Variants in HMCN1 observed in about 807,000 individuals in gnomAD.
HMCN1 encodes the protein hemicentin 1.
HMCN1 carries 321 observed loss-of-function variants against 625.9 expected under a neutral mutation model. The ratio of observed to expected loss-of-function variants is 0.51; its 90% CI spans 0.47 to 0.56. HMCN1 has a LOEUF of 0.56. Among genes scored for constraint, HMCN1 ranks in the 20% least tolerant of loss-of-function variants. The pLI is 0.00. For missense variants in HMCN1, 6,588 were observed against 6,887.3 expected (o/e 0.96, Z 1.54); for synonymous variants, 2,425 against 2,417.6 (o/e 1.00, Z -0.09).
At chr1:186,000,010 T>C (rs1315661953) in intron 25 of HMCN1, 35 bp from the exon 26 acceptor site, 4 of 1,452,122 alleles carry the variant, frequency 2.8e-6, no homozygotes, top group Admixed American at 1.8e-5. Context: ...CTGTTTTTGT[T>C]GTAAAATATC....
chr1:185,880,200 T>G (rs1224089799), intron 4 of HMCN1, among the ~76,000 whole-genome samples: 2 of 151,948 alleles, frequency 1.3e-5, no homozygotes, highest in Non-Finnish European at 2.9e-5. Flanking sequence ...GCATAAGGAG[T>G]CCAACATTGG....
At chr1:185,760,235 T>A (rs1315416675) in intron 1 of HMCN1, among the ~76,000 whole-genome samples, 1 of 152,112 alleles carries the variant, frequency 6.6e-6, no homozygotes, top group Non-Finnish European at 1.5e-5. Context: ...CTAGAAGGTG[T>A]AAGAATTGAG....
At chr1:185,885,282 C>A (rs6425008) in intron 4 of HMCN1, among the ~76,000 whole-genome samples, 10,861 of 151,768 alleles carry the variant, frequency 0.072, 1,357 homozygotes, top group African/African-American at 0.25. Flanking sequence ...ACAAACTCAT[C>A]CGAGGAAGTA....
chr1:185,785,325 T>C (rs1252346483), intron 1 of HMCN1, among the ~76,000 whole-genome samples: 3 of 152,232 alleles, frequency 2.0e-5, no homozygotes, highest in Non-Finnish European at 4.4e-5. Context: ...AGGATGTGTT[T>C]GAGATAACTG....
intron 1 of HMCN1, among the ~76,000 whole-genome samples, chr1:185,782,881 G>T (rs1272991167): frequency 1.3e-5 from 2 of 152,100 alleles, no homozygotes; most frequent in Non-Finnish European, 2.9e-5. Context: ...TCCTGAATTT[G>T]AATGTTGGTC....
Position 185,865,770 on chromosome 1 carries a change from T to A in HMCN1, c.528T>A (p.Asp176Glu), listed in dbSNP as rs756290854. Residue 176 changes from aspartate (D) to glutamate (E), a missense_variant, in exon 4 of 107, where the codon GAT becomes GAA. Asp to Glu is a conservative substitution (Grantham distance 45). Transcript: ENST00000271588. ...QVVFVLTGDC[D>E]DRTHIGYKVY... is the part of the protein sequence containing the mutation. ...TATTTGTTCTGACTGGAGATTGTGA[T>A]GACAGGACCCATATTGGATATAAAG... 3.1e-6 allele frequency: 5 copies of A among 1,612,072 alleles called. No homozygotes were observed. The highest frequency in any genetic ancestry group is 1.3e-5 in the African/African-American group (1 of 74,750).
At chr1:186,139,673 G>A (rs1649831039) in intron 89 of HMCN1, among the ~76,000 whole-genome samples, 1 of 151,260 alleles carries the variant, frequency 6.6e-6, no homozygotes, top group African/African-American at 2.4e-5. Flanking sequence ...TATTGTTTGA[G>A]CATAATGTCG....
intron 1 of HMCN1, among the ~76,000 whole-genome samples, chr1:185,761,307 T>G (rs561003731): frequency 6.6e-6 from 1 of 152,290 alleles, no homozygotes; most frequent in Admixed American, 6.5e-5. Context: ...GGTCTGAGCT[T>G]CTTCTGAGGC....
intron 70 of HMCN1, among the ~76,000 whole-genome samples, chr1:186,107,872 T>G (rs1306044965): frequency 1.3e-5 from 2 of 152,030 alleles, no homozygotes; most frequent in African/African-American, 2.4e-5. Context: ...AATATGCTTT[T>G]GACATTGAAA....
chr1:185,750,291 G>T (rs1367107748), intron 1 of HMCN1, among the ~76,000 whole-genome samples: 1 of 152,118 alleles, frequency 6.6e-6, no homozygotes, highest in Non-Finnish European at 1.5e-5. Context: ...ACTTTAAAAA[G>T]AAGTTTTAAT....
intron 97 of HMCN1, among the ~76,000 whole-genome samples, chr1:186,156,065 T>G (rs957168171): frequency 1.3e-5 from 2 of 152,194 alleles, no homozygotes; most frequent in African/African-American, 4.8e-5. Context: ...TCGAGAAAAC[T>G]CACTAACATA....
At chr1:185,926,803 C>T (rs564349666) in intron 9 of HMCN1, among the ~76,000 whole-genome samples, 1 of 152,282 alleles carries the variant, frequency 6.6e-6, no homozygotes, top group South Asian at 2.1e-4. Flanking sequence ...TCACTTTGGT[C>T]ACCAGGGGAT....
rs58164381 is a variant in HMCN1 at position 185,924,215 on chromosome 1, CTTTTTTTTTTTTTTTTTTTTT to C, written c.1285+575_1285+595del. ...GCTCATGACTGAACTCTGACCCAAT[CTTTTTTTTTTTTTTTTTTTTT>C]TTTTTTTTTTTTGAGACGGAGTCTC... On this transcript the variant is annotated intron_variant, in intron 8 of 106. Transcript: ENST00000271588. Among the ~76,000 whole-genome samples the C allele has an allele frequency of 9.2e-4, 40 of 43,654 alleles. 1 individual carries two copies. In the East Asian group the frequency reaches 0.029, roughly 31 times the overall value. The allele number at this position is 43,654 out of a possible 152,430, so 28.6% of individuals were successfully genotyped here.
At chr1:185,958,582 CTAA>C (rs1170225640) in intron 11 of HMCN1, among the ~76,000 whole-genome samples, 2 of 152,152 alleles carry the variant, frequency 1.3e-5, no homozygotes, top group African/African-American at 4.8e-5. Flanking sequence ...AGGAATACTG[CTAA>C]TAATAGCAAA....
At position 185,752,174 on chromosome 1, in the gene HMCN1, T is replaced by A. The variant is rs180842676; in HGVS notation, c.268+17127T>A. Among the ~76,000 whole-genome samples the A allele has an allele frequency of 7.6e-4, 115 of 152,292 alleles. 1 individual carries two copies. Among genetic ancestry groups the A allele is most frequent in the South Asian group, 4.1e-4 (2 of 4,828 alleles). ...CTAGTATAACCTCTATTATCTGTTA[T>A]ATGTTTCTGGCTTAGGGTTTCAACT... On this transcript the variant is annotated intron_variant, in intron 1 of 106. Coordinates refer to ENST00000271588, the MANE Select transcript of HMCN1 (RefSeq NM_031935.3).
Position 185,805,586 on chromosome 1 carries a change from C to A in HMCN1, c.269-40440C>A, listed in dbSNP as rs749123876. Among the ~76,000 whole-genome samples the A allele has an allele frequency of 3.3e-5, 5 of 152,122 alleles. No individual in the cohort carries two copies. The East Asian group carries it at 5.8e-4, about 18-fold the overall frequency. ...AAAAGGAATACATGTATTCTATATC[C>A]CTCAAAAATATTTAGGCAAAGTTAC... is the stretch of plus-strand genomic sequence containing the variant. On this transcript the variant is annotated intron_variant, in intron 1 of 106. Transcript: ENST00000271588.
chr1:186,095,152 A>G, intron 67 of HMCN1, 91 bp from the exon 68 acceptor site: 1 of 1,315,266 alleles, frequency 7.6e-7, no homozygotes, highest in South Asian at 1.2e-5. Context: ...TCAACCACAG[A>G]AACATTATAG....
At chr1:185,887,915 G>C (rs1460570228) in intron 4 of HMCN1, among the ~76,000 whole-genome samples, 1 of 143,790 alleles carries the variant, frequency 7.0e-6, no homozygotes, top group African/African-American at 2.6e-5. Context: ...CTAGTTTACA[G>C]TCCCAGCAAC....
At chr1:185,920,062 T>C (rs558161668) in intron 6 of HMCN1, among the ~76,000 whole-genome samples, 1 of 152,330 alleles carries the variant, frequency 6.6e-6, no homozygotes, top group Admixed American at 6.5e-5. Flanking sequence ...TATCAAACTA[T>C]TGGCACTTTC....
Sources: gnomAD v4.1 joint callset for allele counts (sites outside exome capture counted in the v4.1 genomes callset) on GRCh38, gnomAD v4.1.1 for gene constraint, MANE v1.5 for transcripts, NCBI Gene and HGNC (gene_info 2026-07-23, HGNC 2026-07-21) for gene names.